Variants in NELL2 observed in about 807,000 individuals in gnomAD.
NELL2 encodes the protein protein kinase C-binding protein NELL2.
In NELL2, 41 loss-of-function variants were observed where a neutral mutation model predicts 109.6. That is an observed-to-expected ratio of 0.37 (90% confidence interval 0.29 to 0.49). NELL2 has a LOEUF of 0.49. Among genes scored for constraint, NELL2 ranks in the 20% least tolerant of loss-of-function variants. NELL2 has a pLI of 0.98. For synonymous variants in NELL2, 355 were observed against 344.7 expected (o/e 1.03, Z -0.33); for missense variants, 900 against 1,008.3 (o/e 0.89, Z 1.45).
chr12:44,540,586 G>C (rs1344681561), intron 15 of NELL2, among the ~76,000 whole-genome samples: 1 of 152,010 alleles, frequency 6.6e-6, no homozygotes, highest in Non-Finnish European at 1.5e-5. Flanking sequence ...ATTGCTGAAA[G>C]CAAGCAGTTA....
intron 12 of NELL2, among the ~76,000 whole-genome samples, chr12:44,675,311 A>G (rs1290415272): frequency 6.6e-6 from 1 of 152,106 alleles, no homozygotes; most frequent in Non-Finnish European, 1.5e-5. Context: ...TCAAGTCACT[A>G]CTAGCCACAA....
At chr12:44,908,873 G>T (rs538901417) in intron 1 of NELL2, among the ~76,000 whole-genome samples, 1 of 152,066 alleles carries the variant, frequency 6.6e-6, no homozygotes, top group East Asian at 1.9e-4. Flanking sequence ...CTCTTGAGTG[G>T]TGGGTAATTT....
intron 3 of NELL2, among the ~76,000 whole-genome samples, chr12:44,797,615 A>T (rs2136644570): frequency 6.6e-6 from 1 of 152,030 alleles, no homozygotes; most frequent in South Asian, 2.1e-4. Context: ...ATAGGTTGCA[A>T]TTAGACAAAA....
chr12:44,635,148 A>T (rs1946589881), intron 13 of NELL2, among the ~76,000 whole-genome samples: 3 of 151,868 alleles, frequency 2.0e-5, no homozygotes. Context: ...TTTCTTGAAA[A>T]TTTGTTTAAG....
chr12:44,572,451 C>T (rs550258480), intron 15 of NELL2, among the ~76,000 whole-genome samples: 1 of 152,250 alleles, frequency 6.6e-6, no homozygotes, highest in South Asian at 2.1e-4. Context: ...GCCTGGTCTG[C>T]TCTTTTTGAT....
chr12:44,786,691 C>A (rs1456437709), intron 3 of NELL2, among the ~76,000 whole-genome samples: 1 of 152,116 alleles, frequency 6.6e-6, no homozygotes, highest in African/African-American at 2.4e-5. Flanking sequence ...GATTACTATG[C>A]AGCCATAAAA....
intron 9 of NELL2, among the ~76,000 whole-genome samples, chr12:44,715,138 T>C (rs1938418365): frequency 1.3e-5 from 2 of 151,692 alleles, no homozygotes; most frequent in Non-Finnish European, 2.9e-5. Context: ...GTTTTTGTTT[T>C]ATATACCATT....
intron 15 of NELL2, among the ~76,000 whole-genome samples, chr12:44,535,071 G>C (rs144587436): frequency 1.3e-5 from 2 of 151,828 alleles, no homozygotes; most frequent in Admixed American, 1.3e-4. Context: ...ACTCCATAAA[G>C]TTTAATAGAA....
intron 13 of NELL2, among the ~76,000 whole-genome samples, chr12:44,627,062 G>A (rs1946293471): frequency 2.0e-5 from 3 of 152,020 alleles, no homozygotes; most frequent in Admixed American, 2.0e-4. Flanking sequence ...TCCCATGCTC[G>A]TCAAATTCAG....
In NELL2 at chr12:44,711,353, A is replaced by G; in HGVS notation, c.1128T>C (p.Ala376=). The change falls in exon 11 of 20, where the codon GCT becomes GCC. Residue 376 remains alanine (A), a synonymous_variant. Coordinates refer to ENST00000429094, the MANE Select transcript of NELL2 (RefSeq NM_001145108.2). ...MKLVESSGCP[A]LDCPESHQIT... is the part of the protein sequence containing the mutation. The stretch of plus-strand genomic sequence containing the variant: ...TCTGATGAGACTCTGGACAATCCAA[A>G]GCTGGACAGCCTGAACTCTCAACAA... 6.2e-7 allele frequency: 1 copy of G among 1,612,618 alleles called. No individual in the cohort carries two copies. Among genetic ancestry groups the G allele is most frequent in the Non-Finnish European group, 8.5e-7 (1 of 1,178,926 alleles).
At chr12:44,793,066 T>C (rs1381141894) in intron 3 of NELL2, among the ~76,000 whole-genome samples, 1 of 152,138 alleles carries the variant, frequency 6.6e-6, no homozygotes, top group Non-Finnish European at 1.5e-5. Context: ...AACAATACCA[T>C]AGTGTACTAT....
chr12:44,919,468 C>G (rs924698295), intron 1 of NELL2, among the ~76,000 whole-genome samples: 4 of 152,058 alleles, frequency 2.6e-5, no homozygotes, highest in Non-Finnish European at 5.9e-5. Context: ...TACCTGTGAC[C>G]GTAACCCTGG....
intron 1 of NELL2, among the ~76,000 whole-genome samples, chr12:44,881,591 T>G (rs1006666878): frequency 6.6e-6 from 1 of 151,902 alleles, no homozygotes. Context: ...TTACCCAATC[T>G]GAACAAAAGG....
chr12:44,620,318 C>G (rs188417566), intron 13 of NELL2, among the ~76,000 whole-genome samples: 1 of 152,086 alleles, frequency 6.6e-6, no homozygotes, highest in Non-Finnish European at 1.5e-5. Flanking sequence ...TCACCCTCAA[C>G]ATCCAAAACA....
At chr12:44,521,914 G>A in intron 18 of NELL2, 86 bp downstream of exon 18, 1 of 1,344,586 alleles carries the variant, frequency 7.4e-7, no homozygotes, top group Non-Finnish European at 1.0e-6. Context: ...CTGGTGCTAG[G>A]TATTGGCAGA....
intron 1 of NELL2, among the ~76,000 whole-genome samples, chr12:44,912,475 T>C (rs928893076): frequency 2.0e-5 from 3 of 152,120 alleles, no homozygotes; most frequent in Admixed American, 6.6e-5. Context: ...TAATAGAATA[T>C]GCAGTTTTCC....
chr12:44,537,572 T>C (rs187586298), intron 15 of NELL2, among the ~76,000 whole-genome samples: 1 of 152,284 alleles, frequency 6.6e-6, no homozygotes. Context: ...TAGGCACTTG[T>C]TCTATCTATA....
intron 2 of NELL2, among the ~76,000 whole-genome samples, chr12:44,873,506 G>A (rs1028522046): frequency 1.3e-5 from 2 of 152,062 alleles, no homozygotes; most frequent in Admixed American, 6.6e-5. Context: ...GCACAGTCCT[G>A]AAGGTTTCTA....
chr12:44,904,711 A>G (rs1296423785), intron 1 of NELL2, among the ~76,000 whole-genome samples: 1 of 152,174 alleles, frequency 6.6e-6, no homozygotes, highest in African/African-American at 2.4e-5. Flanking sequence ...CTAAAATTCC[A>G]TGCATATTTA....
Sources: allele counts gnomAD v4.1 joint callset (sites outside exome capture counted in the v4.1 genomes callset), GRCh38; gene constraint gnomAD v4.1.1; transcripts MANE v1.5; gene names NCBI Gene and HGNC (gene_info 2026-07-23, HGNC 2026-07-21).